Variants in MBNL3 observed in about 807,000 individuals in gnomAD.
The protein encoded by MBNL3 is muscleblind-like protein 3.
Under a neutral mutation model 24.5 loss-of-function variants are expected in MBNL3, and 6 were observed. That is an observed-to-expected ratio of 0.25 (90% confidence interval 0.13 to 0.48). The LOEUF is 0.48. Among genes scored for constraint, MBNL3 ranks in the 20% least tolerant of loss-of-function variants. The pLI is 0.99. For synonymous variants in MBNL3, 100 were observed against 101.7 expected (o/e 0.98, Z 0.10); for missense variants, 230 against 293.5 (o/e 0.78, Z 1.58).
intron 2 of MBNL3, chrX:132,431,798 G>A: frequency 9.0e-6 from 1 of 111,543 alleles, no homozygotes; most frequent in South Asian, 3.8e-4. Flanking sequence ...ATACTCATGT[G>A]TCCTTTCTAA....
At chrX:132,441,292 C>G in intron 1 of MBNL3, among the ~76,000 whole-genome samples, 1 of 112,319 alleles carries the variant, frequency 8.9e-6, no homozygotes, top group South Asian at 3.7e-4. Flanking sequence ...AGACTGTTGT[C>G]ATATCCACTG....
At chrX:132,386,103 T>C (rs754449269) in intron 6 of MBNL3, among the ~76,000 whole-genome samples, 1 of 112,067 alleles carries the variant, frequency 8.9e-6, no homozygotes, top group South Asian at 3.7e-4. Context: ...TATAGCTGAA[T>C]GTAGGAGATA....
chrX:132,405,150 C>G (rs1229711535), intron 3 of MBNL3, among the ~76,000 whole-genome samples: 1 of 112,098 alleles, frequency 8.9e-6, no homozygotes, highest in Non-Finnish European at 1.9e-5. Context: ...TTTAAACTTG[C>G]AAGTCCAGAA....
At chrX:132,390,289 AAAC>A (rs1338493003) in intron 5 of MBNL3, among the ~76,000 whole-genome samples, 11 of 104,496 alleles carry the variant, frequency 1.1e-4, no homozygotes, top group African/African-American at 3.2e-4. Context: ...AAAAAAAAAA[AAAC>A]CAAAGTCAGG....
Position 132,382,234 on chromosome X carries a change from C to T in MBNL3, c.997G>A (p.Ala333Thr). ...MHGATPTTVS[A>T]ATTPATSVPF... ...ACGCTGGTGGCAGGTGTTGTTGCTG[C>T]AGACACAGTGGTAGGTGTAGCACCG... The change falls in exon 8 of 9, where the codon GCA (alanine) becomes ACA (threonine). Residue 333 changes from alanine to threonine, a missense_variant. Ala to Thr is a moderately conservative substitution (Grantham distance 58). Transcript: ENST00000370853. 8.3e-7 allele frequency: 1 copy of T among 1,210,868 alleles called. No individual in the cohort carries two copies. The highest frequency in any genetic ancestry group is 1.1e-6 in the Non-Finnish European group (1 of 894,984).
chrX:132,463,454 A>T (rs1946732087), intron 1 of MBNL3, among the ~76,000 whole-genome samples: 2 of 112,132 alleles, frequency 1.8e-5, no homozygotes, highest in African/African-American at 6.5e-5. Flanking sequence ...ACAGAGCGAA[A>T]CTCCGTCTCA....
chrX:132,484,933 G>GCACACA (rs3044539), intron 1 of MBNL3, among the ~76,000 whole-genome samples: 9 of 102,591 alleles, frequency 8.8e-5, no homozygotes, highest in African/African-American at 2.1e-4. Context: ...ATACACACGC[G>GCACACA]CACACACACA....
In MBNL3 at chrX:132,488,490, T is replaced by C. The variant is rs1461209520; in HGVS notation, c.-704+361A>G. Among the ~76,000 whole-genome samples, 4 of 111,939 alleles carry C rather than the reference T, an allele frequency of 3.6e-5. No homozygotes were observed. In the Admixed American group the frequency reaches 3.8e-4, roughly 11 times the overall value. ...CTCAGGGCAGGAAGAGACAAGGTTC[T>C]GCAAGGAAGCTGTGGCACTGCTCAC... On this transcript the variant is annotated intron_variant, in intron 1 of 8. Transcript: ENST00000370853.
At position 132,372,785 on chromosome X, in the gene MBNL3, T is replaced by C. The variant is rs912787981; in HGVS notation, c.*6881A>G. The C allele has an allele frequency of 3.6e-5, 4 of 111,268 alleles. No individual in the cohort carries two copies. The highest frequency in any genetic ancestry group is 5.7e-5 in the Non-Finnish European group (3 of 52,940). The allele number at this position is 111,268 out of a possible 1,213,427, so 9.2% of individuals were successfully genotyped here. On this transcript the variant is annotated 3_prime_UTR_variant, in exon 9 of 9. Coordinates refer to ENST00000370853, the MANE Select transcript of MBNL3 (RefSeq NM_001386889.1). ...ACAGAGGTATTTTTTAAAAAACTAA[T>C]ATGATGTAGATGCCTAGCAAGGATT...
In MBNL3 at chrX:132,386,710, T is replaced by C; in HGVS notation, c.873A>G (p.Gln291=). The C allele has an allele frequency of 8.3e-7, 1 of 1,210,807 alleles. No homozygotes were observed. Among genetic ancestry groups the C allele is most frequent in the African/African-American group, 1.7e-5 (1 of 57,651 alleles). The change falls in exon 6 of 9, where the codon CAA becomes CAG. Residue 291 remains glutamine, a synonymous_variant. Transcript: ENST00000370853. ...GGAGCTGCAGGTTAGTCAGAGCCTG[T>C]TGGCAGTGGAAAACAGTGGGATTAA... ...PVFNPTVFHC[Q]QALTNLQLPQ...
At chrX:132,432,222 G>A (rs2148416978) in intron 2 of MBNL3, 1 of 111,451 alleles carries the variant, frequency 9.0e-6, no homozygotes, top group South Asian at 3.8e-4. Flanking sequence ...TCAGTTTGGA[G>A]GTCAACTGAT....
At chrX:132,479,001 G>A (rs748268182) in intron 1 of MBNL3, among the ~76,000 whole-genome samples, 2 of 112,328 alleles carry the variant, frequency 1.8e-5, no homozygotes, top group African/African-American at 6.5e-5. Flanking sequence ...TGTAATCCCA[G>A]CACTTTGGGA....
Position 132,371,729 on chromosome X carries a change from A to G in MBNL3, c.*7937T>C, listed in dbSNP as rs1807038841. ...CTCTCAAAATTTTAAGTATTCTTTT[A>G]TTAAAATAGAAGTGTTTTTCTTGTG... On this transcript the variant is annotated 3_prime_UTR_variant, in exon 9 of 9. Coordinates refer to ENST00000370853, the MANE Select transcript of MBNL3 (RefSeq NM_001386889.1). 1 of 111,837 alleles carries G rather than the reference A, an allele frequency of 8.9e-6. No homozygotes were observed. Among genetic ancestry groups the G allele is most frequent in the Admixed American group, 9.5e-5 (1 of 10,492 alleles). The allele number at this position is 111,837 out of a possible 1,213,427, so 9.2% of individuals were successfully genotyped here.
intron 3 of MBNL3, among the ~76,000 whole-genome samples, chrX:132,401,009 T>C (rs1224470779): frequency 2.7e-5 from 3 of 112,289 alleles, no homozygotes; most frequent in Non-Finnish European, 5.6e-5. Context: ...CCATCATTCA[T>C]CATTACATGA....
At chrX:132,388,667 C>G (rs1454965111) in intron 5 of MBNL3, among the ~76,000 whole-genome samples, 1 of 111,280 alleles carries the variant, frequency 9.0e-6, no homozygotes, top group Non-Finnish European at 1.9e-5. Context: ...GGTGATTGTA[C>G]TATTAAACTC....
chrX:132,477,606 C>T (rs1390308549), intron 1 of MBNL3, among the ~76,000 whole-genome samples: 1 of 111,037 alleles, frequency 9.0e-6, no homozygotes, highest in Non-Finnish European at 1.9e-5. Context: ...ATAGTACCCC[C>T]GGAAGGCAAT....
intron 2 of MBNL3, among the ~76,000 whole-genome samples, chrX:132,429,071 G>C (rs1360205816): frequency 8.9e-6 from 1 of 112,296 alleles, no homozygotes; most frequent in African/African-American, 3.2e-5. Context: ...ATACATGCCT[G>C]GCCCTAGCCC....
intron 1 of MBNL3, among the ~76,000 whole-genome samples, chrX:132,455,391 G>A (rs575274637): frequency 1.3e-4 from 15 of 111,762 alleles, no homozygotes; most frequent in African/African-American, 4.2e-4. Context: ...CAAGGCATGC[G>A]ATTTAAATCC....
chrX:132,473,664 T>C (rs1200370202), intron 1 of MBNL3, among the ~76,000 whole-genome samples: 5 of 111,405 alleles, frequency 4.5e-5, no homozygotes, highest in African/African-American at 1.6e-4. Flanking sequence ...TATGTTTATA[T>C]ATATTTTTAG....
Sources: allele counts gnomAD v4.1 joint callset (sites outside exome capture counted in the v4.1 genomes callset), GRCh38; gene constraint gnomAD v4.1.1; transcripts MANE v1.5; gene names NCBI Gene and HGNC (gene_info 2026-07-23, HGNC 2026-07-21).